The following SDK2 variants were observed in gnomAD, a reference collection of about 807,000 sequenced individuals.
The protein encoded by SDK2 is protein sidekick-2.
In SDK2, 105 loss-of-function variants were observed where a neutral mutation model predicts 253.9. That is an observed-to-expected ratio of 0.41 (90% CI 0.35 to 0.49). SDK2 has a LOEUF of 0.49. Among genes scored for constraint, SDK2 ranks in the 20% least tolerant of loss-of-function variants. The pLI is 0.06. For missense variants in SDK2, 2,608 were observed against 3,003.0 expected (o/e 0.87, Z 3.07); for synonymous variants, 1,249 against 1,234.9 (o/e 1.01, Z -0.24).
intron 1 of SDK2, among the ~76,000 whole-genome samples, chr17:73,601,227 C>T (rs1339600784): frequency 6.6e-6 from 1 of 151,958 alleles, no homozygotes; most frequent in African/African-American, 2.4e-5. Flanking sequence ...ACCATATTGG[C>T]CAGGCTGGTC....
intron 1 of SDK2, among the ~76,000 whole-genome samples, chr17:73,586,074 A>G (rs2045599195): frequency 6.6e-6 from 1 of 152,206 alleles, no homozygotes; most frequent in Non-Finnish European, 1.5e-5. Context: ...TTATTCTTCC[A>G]AAAATGTTCT....
chr17:73,430,209 C>T (rs1309679334), intron 12 of SDK2, among the ~76,000 whole-genome samples: 1 of 152,162 alleles, frequency 6.6e-6, no homozygotes, highest in African/African-American at 2.4e-5. Context: ...AACCCACAAG[C>T]CTCTTCCTTT....
At chr17:73,530,409 T>C (rs2064160091) in intron 1 of SDK2, among the ~76,000 whole-genome samples, 1 of 152,112 alleles carries the variant, frequency 6.6e-6, no homozygotes, top group Non-Finnish European at 1.5e-5. Flanking sequence ...ACTCCCTCAC[T>C]ATCATGAGAA....
chr17:73,600,330 C>T (rs1289395919), intron 1 of SDK2, among the ~76,000 whole-genome samples: 3 of 152,240 alleles, frequency 2.0e-5, no homozygotes, highest in Non-Finnish European at 4.4e-5. Flanking sequence ...CTCTGGCTCT[C>T]TTGATCCTCC....
intron 4 of SDK2, among the ~76,000 whole-genome samples, chr17:73,451,917 C>G (rs1240290223): frequency 6.6e-6 from 1 of 152,154 alleles, no homozygotes; most frequent in Non-Finnish European, 1.5e-5. Flanking sequence ...GGGACACAGA[C>G]AGCAGAATTC....
chr17:73,339,710 C>T (rs376548900), intron 44 of SDK2, among the ~76,000 whole-genome samples: 4 of 152,002 alleles, frequency 2.6e-5, no homozygotes, highest in Admixed American at 2.0e-4. Context: ...CATGCCACCA[C>T]GCCCCACTAA....
At chr17:73,564,679 G>T (rs1256552036) in intron 1 of SDK2, among the ~76,000 whole-genome samples, 2 of 152,162 alleles carry the variant, frequency 1.3e-5, no homozygotes, top group Non-Finnish European at 2.9e-5. Context: ...ACAAAAATTA[G>T]CTGGGCATGG....
intron 1 of SDK2, among the ~76,000 whole-genome samples, chr17:73,604,206 C>G (rs1224658603): frequency 6.6e-6 from 1 of 152,226 alleles, no homozygotes; most frequent in African/African-American, 2.4e-5. Flanking sequence ...CTTGAGCGAA[C>G]AGAGCCCCAT....
At chr17:73,474,706 C>T (rs1389113703) in intron 2 of SDK2, among the ~76,000 whole-genome samples, 2 of 152,178 alleles carry the variant, frequency 1.3e-5, no homozygotes, top group African/African-American at 4.8e-5. Flanking sequence ...TTTGCGTCCC[C>T]TCTCTCCCGA....
At chr17:73,512,460 T>C (rs1277156519) in intron 1 of SDK2, among the ~76,000 whole-genome samples, 1 of 151,862 alleles carries the variant, frequency 6.6e-6, no homozygotes. Flanking sequence ...AAGGAGATAA[T>C]TGAGAAGGAA....
Position 73,379,572 on chromosome 17 carries a change from G to C in SDK2, c.4763-23C>G. On this transcript the variant is annotated intron_variant, in intron 34 of 44. Transcript: ENST00000392650. This position sits in a 1 kb window ranked among gnomAD's most constrained non-coding sequence, Gnocchi z 4.5. ...GGTCTGTGGGGGAGAGTGGGGGAGG[G>C]GAAGCACACTGAGGTCACCGTCATT... 1.4e-6 allele frequency: 2 copies of C among 1,453,818 alleles called. No individual in the cohort carries two copies. The highest frequency in any genetic ancestry group is 1.9e-6 in the Non-Finnish European group (2 of 1,041,802). The allele number at this position is 1,453,818 out of a possible 1,614,324, so 90.1% of individuals were successfully genotyped here.
intron 1 of SDK2, chr17:73,516,881 G>A (rs1482986190): frequency 6.6e-6 from 1 of 152,202 alleles, no homozygotes; most frequent in African/African-American, 2.4e-5. Flanking sequence ...CTGATTAGGG[G>A]GGCACTGGCC....
At chr17:73,536,124 C>T (rs2044768339) in intron 1 of SDK2, among the ~76,000 whole-genome samples, 1 of 152,180 alleles carries the variant, frequency 6.6e-6, no homozygotes, top group Non-Finnish European at 1.5e-5. Flanking sequence ...CAGCATCACC[C>T]AGAGGGCTTG....
intron 36 of SDK2, among the ~76,000 whole-genome samples, chr17:73,373,348 A>G (rs1398861845): frequency 6.6e-6 from 1 of 152,200 alleles, no homozygotes; most frequent in Non-Finnish European, 1.5e-5. Context: ...GCTCTTCAAG[A>G]GCCTCATTTC....
intron 18 of SDK2, among the ~76,000 whole-genome samples, chr17:73,409,727 A>T (rs532395704): frequency 6.6e-6 from 1 of 152,334 alleles, no homozygotes; most frequent in East Asian, 1.9e-4. Flanking sequence ...TCCTTGTGAT[A>T]TGCTGAAGGC....
At chr17:73,579,932 C>T (rs912005111) in intron 1 of SDK2, among the ~76,000 whole-genome samples, 7 of 151,104 alleles carry the variant, frequency 4.6e-5, no homozygotes, top group South Asian at 2.1e-4. Context: ...GAGCTGAGAT[C>T]GCACCACTGC....
chr17:73,371,805 CA>C (rs1274507497), intron 36 of SDK2, among the ~76,000 whole-genome samples: 1 of 151,986 alleles, frequency 6.6e-6, no homozygotes, highest in African/African-American at 2.4e-5. Context: ...ACTAAAAATA[CA>C]AAAATTAGCC....
intron 1 of SDK2, among the ~76,000 whole-genome samples, chr17:73,537,243 C>A (rs1296652815): frequency 6.6e-6 from 1 of 152,176 alleles, no homozygotes; most frequent in Non-Finnish European, 1.5e-5. Flanking sequence ...ACTCAGCCAA[C>A]CTCCTGCCCT....
rs1174174926 is a variant in SDK2, at chr17:73,642,625, G to C, written c.64+1400C>G. On this transcript the variant is annotated intron_variant, in intron 1 of 44. Transcript: ENST00000392650. The surrounding 1 kb of genome is among the most constrained non-coding windows in gnomAD (Gnocchi z 4.7). ...TGCCCCCAGATCACAGAGTGGCCTTGGGCAAGTCATTTAATGCCATTTGGC... is the reference window on the plus strand; with the variant it reads ...TGCCCCCAGATCACAGAGTGGCCTTCGGCAAGTCATTTAATGCCATTTGGC... 1.3e-5 allele frequency among the ~76,000 whole-genome samples: 2 copies of C among 152,126 alleles called. No homozygotes were observed. The highest frequency in any genetic ancestry group is 4.8e-5 in the African/African-American group (2 of 41,428).
Sources: allele counts gnomAD v4.1 joint callset (sites outside exome capture counted in the v4.1 genomes callset), GRCh38; gene constraint gnomAD v4.1.1; non-coding constraint Gnocchi (gnomAD v3.1); transcripts MANE v1.5; gene names NCBI Gene and HGNC (gene_info 2026-07-23, HGNC 2026-07-21).